The following AP1M2 variants were observed in gnomAD, a reference collection of about 807,000 sequenced individuals.
AP1M2 encodes adaptor related protein complex 1 subunit mu 2, also known as AP-1 complex subunit mu-2.
AP1M2 carries 41 observed loss-of-function variants against 54.6 expected under a neutral mutation model. That is an observed-to-expected ratio of 0.75 (90% CI 0.59 to 0.97). The LOEUF (loss-of-function observed/expected upper bound fraction) is 0.97. Among genes scored for constraint, AP1M2 ranks in the 50% least tolerant of loss-of-function variants. The pLI, the probability that AP1M2 is intolerant of heterozygous loss-of-function variation, is 0.00. For synonymous variants in AP1M2, 219 were observed against 215.9 expected (o/e 1.01, Z -0.13); for missense variants, 507 against 561.2 (o/e 0.90, Z 0.98).
At chr19:10,576,259 T>A (rs1917231611) in intron 9 of AP1M2, among the ~76,000 whole-genome samples, 1 of 58,756 alleles carries the variant, frequency 1.7e-5, no homozygotes, top group African/African-American at 6.3e-5. Context: ...GCCCGGCTAA[T>A]TTTTTTTTTT....
In AP1M2 at chr19:10,581,803, C is replaced by T. The variant is rs1461465458; in HGVS notation, c.343G>A (p.Asp115Asn). 2.5e-6 allele frequency: 4 copies of T among 1,613,888 alleles called. No homozygotes were observed. The highest frequency in any genetic ancestry group is 1.7e-5 in the Admixed American group (1 of 59,954). Residue 115 changes from aspartate to asparagine, a missense_variant, in exon 4 of 12, where the codon GAC (aspartate) becomes AAC (asparagine). Asp to Asn is a conservative substitution (Grantham distance 23, BLOSUM62 1). Coordinates refer to ENST00000250244, the MANE Select transcript of AP1M2 (RefSeq NM_005498.5). Reference protein sequence around the residue: ...DNFVIVYELLDELMDFGFPQT... With the variant: ...DNFVIVYELLNELMDFGFPQT... ...GGGAAGCCAAAGTCCATGAGCTCGT[C>T]CAGCAACTCGTAGACGATGACAAAG...
chr19:10,575,170 A>G, intron 9 of AP1M2, 141 bp from the exon 10 acceptor site: 2 of 966,702 alleles, frequency 2.1e-6, no homozygotes, highest in Admixed American at 3.7e-5. Flanking sequence ...TGGGCAACAT[A>G]TTGAGATACC....
At chr19:10,577,413 T>A in intron 8 of AP1M2, 57 bp from the exon 9 acceptor site, 1 of 779,856 alleles carries the variant, frequency 1.3e-6, no homozygotes, top group Non-Finnish European at 1.9e-6. Flanking sequence ...CTTCAAATAT[T>A]TACCAAGCCC....
chr19:10,585,478 CATGAGGT>C (rs1917630794), intron 1 of AP1M2, among the ~76,000 whole-genome samples: 1 of 152,024 alleles, frequency 6.6e-6, no homozygotes, highest in African/African-American at 2.4e-5. Context: ...GCGGGTGGAT[CATGAGGT>C]CAAGAGTTCG....
intron 9 of AP1M2, among the ~76,000 whole-genome samples, chr19:10,576,401 T>A (rs1307862946): frequency 5.3e-5 from 8 of 151,492 alleles, no homozygotes; most frequent in Admixed American, 2.0e-4. Flanking sequence ...TAGCTGGGAC[T>A]ACAGGCGCCT....
At position 10,572,839 on chromosome 19, in the gene AP1M2, C is replaced by T; in HGVS notation, c.*227G>A. 1 of 472,676 alleles carries T rather than the reference C, an allele frequency of 2.1e-6. No homozygotes were observed. The allele number at this position is 472,676 out of a possible 1,614,324, so 29.3% of individuals were successfully genotyped here. A position where few individuals can be genotyped will look rare whatever the true frequency, so the allele number is the denominator to read the frequency against. On this transcript the variant is annotated 3_prime_UTR_variant, in exon 12 of 12. Transcript: ENST00000250244. ...CCTCTTCTATTTCTTCATATAAAAT[C>T]AGGGGGATGGGGAAAGCTCCAAGGG...
intron 6 of AP1M2, among the ~76,000 whole-genome samples, chr19:10,580,154 C>A (rs958659332): frequency 6.6e-6 from 1 of 150,928 alleles, no homozygotes; most frequent in Admixed American, 6.6e-5. Context: ...CGAGTTCAAG[C>A]CATTCTCCTG....
chr19:10,575,653 T>C (rs1425649222), intron 9 of AP1M2, among the ~76,000 whole-genome samples: 1 of 152,160 alleles, frequency 6.6e-6, no homozygotes, highest in South Asian at 2.1e-4. Context: ...CTTCCCGTCA[T>C]GGAAGTTTAC....
At chr19:10,585,320 A>AAAGAAAGAAAGAAAG (rs1373365058) in intron 1 of AP1M2, among the ~76,000 whole-genome samples, 1 of 141,382 alleles carries the variant, frequency 7.1e-6, no homozygotes, top group African/African-American at 2.5e-5. Context: ...AGAAAGAAAG[A>AAAGAAAGAAAGAAAG]AAGAAAGAAA....
intron 2 of AP1M2, 21 bp downstream of exon 2, chr19:10,583,893 G>T (rs1261376590): frequency 6.3e-7 from 1 of 1,583,186 alleles, no homozygotes; most frequent in Non-Finnish European, 8.6e-7. Context: ...CACCTCCAGG[G>T]ACACCACGTG....
chr19:10,577,140 C>G, intron 9 of AP1M2, 58 bp downstream of exon 9: 1 of 1,548,296 alleles, frequency 6.5e-7, no homozygotes. Flanking sequence ...CCTGGGCAGC[C>G]CCCACACTAC....
intron 8 of AP1M2, among the ~76,000 whole-genome samples, chr19:10,578,456 C>T (rs913767120): frequency 1.3e-5 from 2 of 151,274 alleles, no homozygotes; most frequent in African/African-American, 2.4e-5. Flanking sequence ...CACTCCAGCC[C>T]GAGTGACAGA....
intron 2 of AP1M2, 42 bp downstream of exon 2, chr19:10,583,871 AG>A: frequency 6.4e-7 from 1 of 1,562,092 alleles, no homozygotes; most frequent in Admixed American, 1.9e-5. Flanking sequence ...CATCGCCGAC[AG>A]CCCCCACACC....
chr19:10,581,291 G>T lies in AP1M2; in HGVS notation c.648C>A (p.Asp216Glu), dbSNP rs756452701. The T allele has an allele frequency of 6.2e-6, 10 of 1,613,594 alleles. No individual in the cohort carries two copies. ...GGCCAGTGAGCTCGAAGAGCACGCG[G>T]TCATTGAGGCCCAGCCGCAGCTCTG... ...GMPELRLGLNDRVLFELTGRS... is the reference protein window; with the variant it reads ...GMPELRLGLNERVLFELTGRS... The change falls in exon 6 of 12, where the codon GAC becomes GAA. Residue 216 changes from aspartate to glutamate, a missense_variant. Asp to Glu is a conservative substitution (Grantham distance 45). Coordinates refer to ENST00000250244, the MANE Select transcript of AP1M2 (RefSeq NM_005498.5).
intron 10 of AP1M2, 127 bp from the exon 11 acceptor site, chr19:10,574,619 G>A: frequency 1.2e-6 from 1 of 825,290 alleles, no homozygotes; most frequent in Non-Finnish European, 1.9e-6. Context: ...GATATCACAT[G>A]GTCTTAGGGG....
At position 10,586,453 on chromosome 19, in the gene AP1M2, T is replaced by TAA. The variant is rs59380384; in HGVS notation, c.42+735_42+736dup. 1.4e-3 allele frequency among the ~76,000 whole-genome samples: 172 copies of TAA among 119,650 alleles called. 1 individual carries two copies. The highest frequency in any genetic ancestry group is 2.7e-3 in the African/African-American group (85 of 30,930). The allele number at this position is 119,650 out of a possible 152,430, so 78.5% of individuals were successfully genotyped here. ...CTGGGTGACAGAGCAAGACTCTATT[T>TAA]AAAAAAAAAAAAAAAAAAAAATTAA... On this transcript the variant is annotated intron_variant, in intron 1 of 11. Coordinates refer to ENST00000250244, the MANE Select transcript of AP1M2 (RefSeq NM_005498.5).
intron 3 of AP1M2, among the ~76,000 whole-genome samples, chr19:10,583,094 G>A (rs1396081530): frequency 1.3e-5 from 2 of 151,754 alleles, no homozygotes; most frequent in Non-Finnish European, 2.9e-5. Context: ...CCAAAGTACT[G>A]GGATTACAGG....
chr19:10,587,156 TGTCC>T, intron 1 of AP1M2, 30 bp downstream of exon 1: 1 of 1,550,040 alleles, frequency 6.5e-7, no homozygotes, highest in Non-Finnish European at 8.7e-7. Context: ...AGACCTCACC[TGTCC>T]GTCTCCCAAC....
At chr19:10,584,918 AC>A (rs1198202969) in intron 1 of AP1M2, 4 of 150,984 alleles carry the variant, frequency 2.6e-5, no homozygotes, top group African/African-American at 9.7e-5. Context: ...ATTTAAAAAA[AC>A]AACAACAACA....
Sources: allele counts gnomAD v4.1 joint callset (sites outside exome capture counted in the v4.1 genomes callset), GRCh38; gene constraint gnomAD v4.1.1; transcripts MANE v1.5; gene names NCBI Gene and HGNC (gene_info 2026-07-23, HGNC 2026-07-21).